VSNL1: variants seen among roughly 807,000 people sequenced by gnomAD.
The protein encoded by VSNL1 is visinin like 1.
A neutral mutation model predicts 20.4 loss-of-function variants in VSNL1; 6 were observed. The ratio of observed to expected loss-of-function variants is 0.29; its 90% confidence interval spans 0.16 to 0.58. The LOEUF is 0.58. Ranked by LOEUF, VSNL1 falls within the 20% of genes least tolerant of loss-of-function variation. The pLI, the probability that VSNL1 is intolerant of heterozygous loss-of-function variation, is 0.90. For missense variants in VSNL1, 100 were observed against 234.5 expected (o/e 0.43, Z 3.75); for synonymous variants, 93 against 86.4 (o/e 1.08, Z -0.42).
intron 2 of VSNL1, among the ~76,000 whole-genome samples, chr2:17,642,748 T>C (rs747209780): frequency 2.6e-5 from 4 of 152,250 alleles, no homozygotes; most frequent in Non-Finnish European, 5.9e-5. Context: ...CAGAGAGATC[T>C]GGCCTAAGAC....
intron 1 of VSNL1, among the ~76,000 whole-genome samples, chr2:17,572,662 G>A (rs909638276): frequency 8.5e-5 from 13 of 152,186 alleles, no homozygotes; most frequent in Admixed American, 7.2e-4. Flanking sequence ...CATACAGGTA[G>A]TGAGAATTAA....
chr2:17,640,140 C>T (rs557203379), intron 2 of VSNL1, among the ~76,000 whole-genome samples: 4 of 151,874 alleles, frequency 2.6e-5, no homozygotes, highest in Non-Finnish European at 5.9e-5. Context: ...ATCCCAGCTA[C>T]TCAGGAGGCT....
intron 1 of VSNL1, among the ~76,000 whole-genome samples, chr2:17,584,921 A>G (rs1664434860): frequency 6.6e-6 from 1 of 152,154 alleles, no homozygotes; most frequent in South Asian, 2.1e-4. Context: ...GTTGGATCAG[A>G]TGATTGATCC....
chr2:17,566,032 GAACT>G, intron 1 of VSNL1, among the ~76,000 whole-genome samples: 1 of 152,170 alleles, frequency 6.6e-6, no homozygotes, highest in South Asian at 2.1e-4. Context: ...CAGCCATGCT[GAACT>G]GTGAGTCAAA....
intron 2 of VSNL1, among the ~76,000 whole-genome samples, chr2:17,641,591 G>A (rs1363169502): frequency 6.6e-6 from 1 of 152,156 alleles, no homozygotes; most frequent in Non-Finnish European, 1.5e-5. Flanking sequence ...TAGTGCAAAT[G>A]GTGTATTAGA....
chr2:17,552,961 T>C (rs888211253), intron 1 of VSNL1, among the ~76,000 whole-genome samples: 4 of 152,148 alleles, frequency 2.6e-5, no homozygotes, highest in African/African-American at 9.7e-5. Context: ...CTGAGATTAA[T>C]TGTAAGGATA....
chr2:17,646,090 T>TC (rs1665989407), intron 2 of VSNL1, among the ~76,000 whole-genome samples: 1 of 152,258 alleles, frequency 6.6e-6, no homozygotes, highest in Non-Finnish European at 1.5e-5. Context: ...AATGCCTATT[T>TC]TCCCCCACTC....
intron 2 of VSNL1, among the ~76,000 whole-genome samples, chr2:17,622,542 AAGAAAGAAAGAAAGAAAG>A (rs1665395626): frequency 7.9e-5 from 5 of 63,422 alleles, no homozygotes; most frequent in African/African-American, 3.9e-4. Context: ...AAAAGAAAGA[AAGAAAGAAAGAAAGAAAG>A]AAAGAAAGAA....
At chr2:17,583,110 G>T (rs1434287770) in intron 1 of VSNL1, among the ~76,000 whole-genome samples, 3 of 152,188 alleles carry the variant, frequency 2.0e-5, no homozygotes, top group Admixed American at 6.5e-5. Context: ...AGAGGAAAGA[G>T]TACCAGCCTA....
intron 2 of VSNL1, among the ~76,000 whole-genome samples, chr2:17,622,567 AG>A (rs1449790201): frequency 4.4e-5 from 6 of 137,820 alleles, no homozygotes; most frequent in South Asian, 4.6e-4. Flanking sequence ...AAAGAAAGAA[AG>A]AAAGAAAGAA....
In VSNL1 at chr2:17,655,148, GTCC is replaced by G. The variant is rs772189023; in HGVS notation, c.379-44_379-42del. ...GAAAGGGAGGCAAGAAGAGCTCTCT[GTCC>G]TCCTGGGTTTCTGGTAATATCACCT... On this transcript the variant is annotated intron_variant, in intron 3 of 3. Coordinates refer to ENST00000295156, the MANE Select transcript of VSNL1 (RefSeq NM_003385.5). The surrounding 1 kb of genome is among the most constrained non-coding windows in gnomAD (Gnocchi z 5.2). 86 of 1,586,786 alleles carry G rather than the reference GTCC, an allele frequency of 5.4e-5. No homozygotes were observed. The African/African-American group carries it at 1.1e-3, about 20-fold the overall frequency.
chr2:17,551,994 C>T (rs1338150960), intron 1 of VSNL1, among the ~76,000 whole-genome samples: 2 of 149,650 alleles, frequency 1.3e-5, no homozygotes, highest in Non-Finnish European at 3.0e-5. Flanking sequence ...GTCAGGAGAT[C>T]GAGACCATCC....
intron 1 of VSNL1, among the ~76,000 whole-genome samples, chr2:17,555,984 G>A (rs772566823): frequency 1.3e-5 from 2 of 152,122 alleles, no homozygotes; most frequent in Non-Finnish European, 2.9e-5. Context: ...AATGAAATGG[G>A]CCAGGTGTTA....
At chr2:17,576,095 A>G (rs1443545322) in intron 1 of VSNL1, among the ~76,000 whole-genome samples, 3 of 152,188 alleles carry the variant, frequency 2.0e-5, no homozygotes, top group Admixed American at 6.5e-5. Flanking sequence ...TGGTTTCTGC[A>G]TATAGTCCAC....
At chr2:17,544,861 A>G (rs1042915328) in intron 1 of VSNL1, among the ~76,000 whole-genome samples, 1 of 152,176 alleles carries the variant, frequency 6.6e-6, no homozygotes, top group Non-Finnish European at 1.5e-5. Flanking sequence ...ATCAAATGGT[A>G]CAGAGATATA....
intron 2 of VSNL1, among the ~76,000 whole-genome samples, chr2:17,648,091 A>G (rs1000639837): frequency 6.6e-6 from 1 of 152,224 alleles, no homozygotes; most frequent in African/African-American, 2.4e-5. Context: ...GTGATTTGTT[A>G]TATAGGAATA....
chr2:17,621,926 G>A (rs564095861), intron 2 of VSNL1, among the ~76,000 whole-genome samples: 4 of 152,124 alleles, frequency 2.6e-5, no homozygotes, highest in African/African-American at 9.6e-5. Flanking sequence ...ACCGCACCCA[G>A]CCAAAACTAA....
chr2:17,638,066 T>G (rs1268418493), intron 2 of VSNL1, among the ~76,000 whole-genome samples: 1 of 152,222 alleles, frequency 6.6e-6, no homozygotes, highest in South Asian at 2.1e-4. Context: ...GATGTGATAC[T>G]AGTAGTAGAA....
chr2:17,560,557 C>A (rs1351230609), intron 1 of VSNL1, among the ~76,000 whole-genome samples: 1 of 152,160 alleles, frequency 6.6e-6, no homozygotes, highest in African/African-American at 2.4e-5. Flanking sequence ...ACTGGCACAA[C>A]TGATTAACCA....
Sources: gnomAD v4.1 joint callset for allele counts (sites outside exome capture counted in the v4.1 genomes callset) on GRCh38, gnomAD v4.1.1 for gene constraint, Gnocchi (gnomAD v3.1) non-coding constraint, MANE v1.5 for transcripts, NCBI Gene and HGNC (gene_info 2026-07-23, HGNC 2026-07-21) for gene names.